The following PCDH15 variants were observed in gnomAD, a reference collection of about 807,000 sequenced individuals.
PCDH15 encodes the protein protocadherin related 15.
PCDH15 carries 129 observed loss-of-function variants against 178.5 expected under a neutral mutation model. That is an observed-to-expected ratio of 0.72 (90% CI 0.63 to 0.84). The LOEUF (loss-of-function observed/expected upper bound fraction) is 0.84. Ranked by LOEUF, PCDH15 falls within the 40% of genes least tolerant of loss-of-function variation. PCDH15 has a pLI of 0.00. For missense variants in PCDH15, 2,230 were observed against 2,099.9 expected (o/e 1.06, Z -1.21); for synonymous variants, 800 against 732.0 (o/e 1.09, Z -1.50).
chr10:54,132,902 C>A lies in PCDH15; in HGVS notation c.1890G>T (p.Arg630Ser). ...MYSLEISEAM[R>S]VGAVLLNLQA... The stretch of plus-strand genomic sequence containing the variant: ...GTAGATTTAATAAAACAGCACCAAC[C>A]CTCATGGCTTCACTAATTTCAAGGC... The change falls in exon 15 of 38, where the codon AGG becomes AGT. Residue 630 changes from arginine to serine, a missense_variant. Transcript: ENST00000644397. 6.2e-7 allele frequency: 1 copy of A among 1,613,748 alleles called. No individual in the cohort carries two copies. Among genetic ancestry groups the A allele is most frequent in the Non-Finnish European group, 8.5e-7 (1 of 1,179,890 alleles).
In PCDH15 at chr10:55,136,579, A is replaced by G. The variant is rs146172226; in HGVS notation, c.-80+29997T>C. On this transcript the variant is annotated intron_variant, in intron 2 of 5. Coordinates refer to the PCDH15 transcript ENST00000458638. ...ACCATACTGAATTGAATATAGATCA[A>G]TCAAAGAGGGGTAAAGGAAGTAAGT... Among the ~76,000 whole-genome samples, 127 of 152,254 alleles carry G rather than the reference A, an allele frequency of 8.3e-4. 1 individual carries two copies. The East Asian group carries it at 0.02, about 24-fold the overall frequency.
At chr10:55,079,826 A>G (rs1208203541) in intron 2 of PCDH15, among the ~76,000 whole-genome samples, 2 of 152,044 alleles carry the variant, frequency 1.3e-5, no homozygotes, top group East Asian at 3.9e-4. Flanking sequence ...CTGATGCCAG[A>G]GGTGGTGCAA....
chr10:54,565,813 G>A lies in PCDH15; in HGVS notation c.92-37936C>T, dbSNP rs144040730. The stretch of plus-strand genomic sequence containing the variant: ...TTAAATAAAATGGAAGGCCAGGCGC[G>A]GTGGCTCATGCCTGTAATCCCAGCA... On this transcript the variant is annotated intron_variant, in intron 2 of 37. Transcript: ENST00000644397. Among the ~76,000 whole-genome samples, 290 of 152,228 alleles carry A rather than the reference G, an allele frequency of 1.9e-3. 5 individuals carry two copies. The highest frequency in any genetic ancestry group is 0.014 in the Admixed American group (216 of 15,270).
rs1302534956 is a variant in PCDH15, at chr10:53,804,140, T to C, written c.*2439A>G. 1 of 151,868 alleles carries C rather than the reference T, an allele frequency of 6.6e-6. No individual in the cohort carries two copies. The highest frequency in any genetic ancestry group is 1.5e-5 in the Non-Finnish European group (1 of 67,868). The allele number at this position is 151,868 out of a possible 1,614,324, so 9.4% of individuals were successfully genotyped here. ...AAAAATATACTGACCAAATATTTGG[T>C]TTGGTTGCTCTGTGTAAATTCTGCT... On this transcript the variant is annotated 3_prime_UTR_variant, in exon 38 of 38. Coordinates refer to ENST00000644397, the MANE Select transcript of PCDH15 (RefSeq NM_001384140.1).
At chr10:55,436,192 T>G (rs1839035817) in intron 2 of PCDH15, among the ~76,000 whole-genome samples, 1 of 152,100 alleles carries the variant, frequency 6.6e-6, no homozygotes, top group Non-Finnish European at 1.5e-5. Flanking sequence ...GACTGAGCCT[T>G]GCAAATCAAA....
intron 1 of PCDH15, among the ~76,000 whole-genome samples, chr10:55,177,322 G>C (rs1272788112): frequency 6.6e-6 from 1 of 152,136 alleles, no homozygotes; most frequent in Non-Finnish European, 1.5e-5. Flanking sequence ...GAGGCTAAAA[G>C]GGTCTTTGAC....
intron 3 of PCDH15, among the ~76,000 whole-genome samples, chr10:54,518,802 G>C (rs373394472): frequency 6.6e-6 from 1 of 152,110 alleles, no homozygotes; most frequent in Non-Finnish European, 1.5e-5. Context: ...CATTGATGCA[G>C]AAATCCTCAA....
At chr10:55,535,671 T>A (rs1298638881) in intron 2 of PCDH15, among the ~76,000 whole-genome samples, 1 of 152,036 alleles carries the variant, frequency 6.6e-6, no homozygotes, top group African/African-American at 2.4e-5. Context: ...CAAAAGCAGA[T>A]ATATTGTTCT....
chr10:54,619,786 T>C (rs1197485771), intron 2 of PCDH15, among the ~76,000 whole-genome samples: 2 of 152,072 alleles, frequency 1.3e-5, no homozygotes, highest in Non-Finnish European at 2.9e-5. Flanking sequence ...ACTATTTTTC[T>C]ACTTCCTATT....
chr10:54,733,925 T>G (rs9804375), intron 1 of PCDH15, among the ~76,000 whole-genome samples: 1 of 150,876 alleles, frequency 6.6e-6, no homozygotes, highest in Non-Finnish European at 1.5e-5. Context: ...GTACTTCACA[T>G]TTTTTATCAA....
intron 2 of PCDH15, among the ~76,000 whole-genome samples, chr10:55,143,204 T>C (rs1310167100): frequency 1.1e-3 from 1 of 914 alleles, no homozygotes; most frequent in Non-Finnish European, 0.023. Context: ...AATTAAACCT[T>C]TTTTTTTTTA....
At chr10:54,112,032 A>G (rs112006309) in intron 15 of PCDH15, among the ~76,000 whole-genome samples, 4 of 151,246 alleles carry the variant, frequency 2.6e-5, no homozygotes, top group African/African-American at 4.9e-5. Flanking sequence ...AATCCCAGCT[A>G]CTCGGGAGGC....
chr10:55,260,718 C>A (rs1842127603), intron 1 of PCDH15, among the ~76,000 whole-genome samples: 1 of 152,116 alleles, frequency 6.6e-6, no homozygotes, highest in South Asian at 2.1e-4. Flanking sequence ...TAACGTATGC[C>A]ATATTTGCAT....
chr10:54,624,509 C>T (rs977145605), intron 2 of PCDH15, among the ~76,000 whole-genome samples: 3 of 152,166 alleles, frequency 2.0e-5, no homozygotes. Context: ...TCAGTGGAAA[C>T]TGGGTTCAGC....
chr10:55,438,377 C>T (rs1839098003), intron 2 of PCDH15, among the ~76,000 whole-genome samples: 1 of 151,938 alleles, frequency 6.6e-6, no homozygotes, highest in Non-Finnish European at 1.5e-5. Flanking sequence ...AAGTTTCAAT[C>T]AGTAGGAAAT....
chr10:55,076,068 T>A (rs543500671), intron 2 of PCDH15, among the ~76,000 whole-genome samples: 1 of 152,296 alleles, frequency 6.6e-6, no homozygotes, highest in Admixed American at 6.5e-5. Flanking sequence ...TGGAATTGAT[T>A]TCTAGTTTTA....
chr10:53,956,328 T>A (rs1345531202), intron 23 of PCDH15, among the ~76,000 whole-genome samples: 1 of 152,074 alleles, frequency 6.6e-6, no homozygotes, highest in Admixed American at 6.6e-5. Context: ...TTAGGAGGCA[T>A]CCAGATACTG....
intron 10 of PCDH15, among the ~76,000 whole-genome samples, chr10:54,205,516 T>TGTGTGTGTGTG (rs2050711234): frequency 6.6e-6 from 1 of 150,476 alleles, no homozygotes; most frequent in African/African-American, 2.5e-5. Context: ...TGTGTGTGTG[T>TGTGTGTGTGTG]AAAATGTCTT....
chr10:54,022,561 A>G (rs1275807200), intron 19 of PCDH15, among the ~76,000 whole-genome samples: 1 of 152,088 alleles, frequency 6.6e-6, no homozygotes. Context: ...GTGGGAGATT[A>G]TTAACTTTTG....
Sources: gnomAD v4.1 joint callset for allele counts (sites outside exome capture counted in the v4.1 genomes callset) on GRCh38, gnomAD v4.1.1 for gene constraint, MANE v1.5 for transcripts, NCBI Gene and HGNC (gene_info 2026-07-23, HGNC 2026-07-21) for gene names.